Variants in GOLGB1 observed in about 807,000 individuals in gnomAD.
The protein encoded by GOLGB1 is golgin subfamily B member 1.
Under a neutral mutation model 336.9 loss-of-function variants are expected in GOLGB1, and 174 were observed. The observed-to-expected ratio is 0.52, with a 90% confidence interval of 0.46 to 0.59. The LOEUF is 0.59. Among genes scored for constraint, GOLGB1 ranks in the 20% least tolerant of loss-of-function variants. The pLI is 0.00. For missense variants in GOLGB1, 3,331 were observed against 3,645.3 expected, an observed-to-expected ratio of 0.91 and a Z score of 2.22; for synonymous variants, 1,208 against 1,289.2, an observed-to-expected ratio of 0.94 and a Z score of 1.35.
rs140012993 is a variant in GOLGB1 at position 121,676,910 on chromosome 3, G to T, written c.9160C>A (p.Gln3054Lys). 1.5e-5 allele frequency: 25 copies of T among 1,613,620 alleles called. No individual in the cohort carries two copies. Among genetic ancestry groups the T allele is most frequent in the African/African-American group, 5.3e-5 (4 of 74,892 alleles). The stretch of plus-strand genomic sequence containing the variant: ...ACACTTACGTTGCTGTTCAGTTGCT[G>T]AATTCTTAACTCCTTTTGGTGAATT... ...KEIHQKELRI[Q>K]QLNSNFSQLL... Residue 3054 changes from glutamine to lysine, a missense_variant, in exon 17 of 22, where the codon CAG becomes AAG. Gln to Lys is a moderately conservative substitution (Grantham distance 53). Transcript: ENST00000614479.
Position 121,696,197 on chromosome 3 carries a change from C to T in GOLGB1, c.4326G>A (p.Lys1442=). The T allele has an allele frequency of 6.2e-7, 1 of 1,614,014 alleles. No homozygotes were observed. Among genetic ancestry groups the T allele is most frequent in the Non-Finnish European group, 8.5e-7 (1 of 1,179,952 alleles). Residue 1442 remains lysine (K), a synonymous_variant, in exon 13 of 22, where the codon AAG becomes AAA. Coordinates refer to ENST00000614479, the MANE Select transcript of GOLGB1 (RefSeq NM_001366282.2). ...TEIIEQEDLI[K]ALHTQLEMQA... ...GCATTTCTAGCTGTGTATGCAGAGCCTTAATTAAATCTTCTTGTTCTATTA... is the reference window on the plus strand; with the variant it reads ...GCATTTCTAGCTGTGTATGCAGAGCTTTAATTAAATCTTCTTGTTCTATTA...
rs1942777147 is a variant in GOLGB1, at chr3:121,694,629, T to G, written c.5894A>C (p.Asn1965Thr). 6.2e-7 allele frequency: 1 copy of G among 1,611,822 alleles called. No homozygotes were observed. Among genetic ancestry groups the G allele is most frequent in the African/African-American group, 1.3e-5 (1 of 74,902 alleles). Reference sequence around the variant, plus strand: ...CAATTCACTCACACACTTTTTAAGGTTCTTCATTTCAGATTCCAATAGCTC... The same window carrying G: ...CAATTCACTCACACACTTTTTAAGGGTCTTCATTTCAGATTCCAATAGCTC... ...KNELLESEMK[N>T]LKKCVSELEE... Residue 1965 changes from asparagine (N) to threonine (T), a missense_variant, in exon 13 of 22, where the codon AAC becomes ACC. Transcript: ENST00000614479.
At chr3:121,720,655 G>A (rs1416220901) in intron 6 of GOLGB1, among the ~76,000 whole-genome samples, 4 of 152,134 alleles carry the variant, frequency 2.6e-5, no homozygotes, top group Non-Finnish European at 5.9e-5. Flanking sequence ...TCTGAATTGT[G>A]ACCTCACTAG....
chr3:121,687,108 A>G (rs564729198), intron 14 of GOLGB1, among the ~76,000 whole-genome samples: 4 of 152,284 alleles, frequency 2.6e-5, no homozygotes, highest in African/African-American at 9.6e-5. Context: ...CCCCATCTCT[A>G]CTAAAAATAC....
chr3:121,737,639 A>G (rs184140315), intron 1 of GOLGB1, among the ~76,000 whole-genome samples: 7 of 149,674 alleles, frequency 4.7e-5, no homozygotes, highest in African/African-American at 1.7e-4. Flanking sequence ...GCAACAGAGC[A>G]AGACCGCGTC....
In GOLGB1 at chr3:121,714,848, C is replaced by G; in HGVS notation, c.1404+13G>C. The G allele has an allele frequency of 7.0e-7, 1 of 1,430,388 alleles. No individual in the cohort carries two copies. The highest frequency in any genetic ancestry group is 9.9e-7 in the Non-Finnish European group (1 of 1,012,770). 88.6% of individuals were successfully genotyped at this position (1,430,388 alleles called of 1,614,324 possible). On this transcript the variant is annotated intron_variant, in intron 10 of 21. Transcript: ENST00000614479. ...AAACAGTTAATATTCATAAGAAGTT[C>G]ACATTTAATTACCTGTGTGCCCTCA...
At chr3:121,711,101 G>C (rs1944328588) in intron 10 of GOLGB1, among the ~76,000 whole-genome samples, 1 of 152,042 alleles carries the variant, frequency 6.6e-6, no homozygotes, top group Non-Finnish European at 1.5e-5. Flanking sequence ...GGCTGAGGCA[G>C]GAGAATCACT....
intron 1 of GOLGB1, among the ~76,000 whole-genome samples, chr3:121,738,010 G>A (rs2108363320): frequency 6.6e-6 from 1 of 152,278 alleles, no homozygotes; most frequent in Admixed American, 6.5e-5. Context: ...TTCAAGATAT[G>A]AGAACCACAG....
Position 121,713,374 on chromosome 3 carries a change from T to A in GOLGB1, c.1404+1487A>T, listed in dbSNP as rs1016086654. ...AAGCATGAAAAAGTCCAGGTGTCCA[T>A]CAATAGGAAAATGCAGTACAATCAT... On this transcript the variant is annotated intron_variant, in intron 10 of 21. Transcript: ENST00000614479. Among the ~76,000 whole-genome samples the A allele has an allele frequency of 4.6e-5, 7 of 152,174 alleles. 1 individual carries two copies. The highest frequency in any genetic ancestry group is 2.6e-4 in the Admixed American group (4 of 15,276).
At chr3:121,718,361 C>A in intron 8 of GOLGB1, 27 bp downstream of exon 8, 2 of 1,424,516 alleles carry the variant, frequency 1.4e-6, no homozygotes, top group Non-Finnish European at 2.0e-6. Flanking sequence ...CCCTCCAAGG[C>A]AGGAAGTAAA....
intron 1 of GOLGB1, among the ~76,000 whole-genome samples, chr3:121,742,143 G>A (rs1001968938): frequency 1.3e-5 from 2 of 152,114 alleles, no homozygotes; most frequent in African/African-American, 4.8e-5. Context: ...AACCAAAAAA[G>A]AGCCTGCATA....
intron 14 of GOLGB1, among the ~76,000 whole-genome samples, chr3:121,689,323 T>G (rs1211278857): frequency 1.3e-5 from 2 of 152,220 alleles, no homozygotes; most frequent in Non-Finnish European, 2.9e-5. Flanking sequence ...ATCTTCGGCC[T>G]TGGGATCCTG....
Position 121,718,482 on chromosome 3 carries a change from C to CT in GOLGB1, c.790dup (p.Arg264LysfsTer4). 1 of 1,612,860 alleles carries CT rather than the reference C, an allele frequency of 6.2e-7. No individual in the cohort carries two copies. The highest frequency in any genetic ancestry group is 8.5e-7 in the Non-Finnish European group (1 of 1,178,844). On this transcript the variant is annotated frameshift_variant, in exon 8 of 22. Transcript: ENST00000614479. LOFTEE classifies it high-confidence loss of function. ...GGATTCTTCGTGTTCCTCAAGCTTC[C>CT]TTTGCAGCACCCTCAATTTCTGAGA...
chr3:121,674,351 C>A (rs1367511594), intron 17 of GOLGB1, among the ~76,000 whole-genome samples: 1 of 152,048 alleles, frequency 6.6e-6, no homozygotes, highest in Non-Finnish European at 1.5e-5. Context: ...AGAGGAAAGG[C>A]CTTCAATTTT....
Position 121,681,787 on chromosome 3 carries a change from G to C in GOLGB1, c.8773C>G (p.Gln2925Glu). 6.3e-7 allele frequency: 1 copy of C among 1,598,634 alleles called. No homozygotes were observed. ...GTCTTATCTTGATACTCCTGAAGTTGAGCCTTCAGTGGATGTAACTCAGTG... is the reference window on the plus strand; with the variant it reads ...GTCTTATCTTGATACTCCTGAAGTTCAGCCTTCAGTGGATGTAACTCAGTG... ...EITELHPLKA[Q>E]LQEYQDKTKA... Residue 2925 changes from glutamine (Q) to glutamate (E), a missense_variant, in exon 15 of 22, where the codon CAA (glutamine) becomes GAA (glutamate). Gln to Glu is a conservative substitution (Grantham distance 29). Transcript: ENST00000614479.
At chr3:121,729,112 TTG>T (rs146583056) in intron 4 of GOLGB1, 74 bp downstream of exon 4, 49 of 988,854 alleles carry the variant, frequency 5.0e-5, no homozygotes, top group Non-Finnish European at 7.4e-5. Flanking sequence ...TCCTAAATGT[TTG>T]TGATTGGTGA....
chr3:121,680,381 G>A (rs1455962018), intron 15 of GOLGB1, among the ~76,000 whole-genome samples: 1 of 152,302 alleles, frequency 6.6e-6, no homozygotes, highest in East Asian at 1.9e-4. Flanking sequence ...TAACACTGAG[G>A]TGACACAAAT....
At chr3:121,682,584 C>T (rs1941204401) in intron 14 of GOLGB1, among the ~76,000 whole-genome samples, 1 of 152,122 alleles carries the variant, frequency 6.6e-6, no homozygotes, top group African/African-American at 2.4e-5. Context: ...AACAACACTG[C>T]CTACCTACAT....
chr3:121,742,877 A>G (rs1042909790), intron 1 of GOLGB1, among the ~76,000 whole-genome samples: 1 of 152,270 alleles, frequency 6.6e-6, no homozygotes, highest in East Asian at 1.9e-4. Flanking sequence ...GCTCACCATC[A>G]CTGGTCATCA....
Sources: gnomAD v4.1 joint callset for allele counts (sites outside exome capture counted in the v4.1 genomes callset) on GRCh38, gnomAD v4.1.1 for gene constraint, MANE v1.5 for transcripts, NCBI Gene and HGNC (gene_info 2026-07-23, HGNC 2026-07-21) for gene names.